The following SLC39A9 variants were observed in gnomAD, a reference collection of about 807,000 sequenced individuals.
SLC39A9 encodes the protein zinc transporter ZIP9.
SLC39A9 carries 14 observed loss-of-function variants against 28.4 expected under a neutral mutation model. The ratio of observed to expected loss-of-function variants is 0.49; its 90% confidence interval spans 0.33 to 0.77. The LOEUF (loss-of-function observed/expected upper bound fraction) is 0.77, where lower values mean the gene tolerates loss of function less well. Ranked by LOEUF, SLC39A9 falls within the 30% of genes least tolerant of loss-of-function variation. The probability of loss-of-function intolerance (pLI) is 0.02; values close to 1 mark genes in which losing one functional copy is unlikely to be tolerated. For missense variants in SLC39A9, 283 were observed against 381.1 expected, an observed-to-expected ratio of 0.74 and a Z score of 2.14; for synonymous variants, 119 against 149.6, an observed-to-expected ratio of 0.80 and a Z score of 1.49.
chr14:69,452,328 T>C (rs1395961507), intron 3 of SLC39A9, among the ~76,000 whole-genome samples: 2 of 151,324 alleles, frequency 1.3e-5, no homozygotes, highest in Non-Finnish European at 2.9e-5. Context: ...GGTGGTGGGT[T>C]TTTTGTTTGT....
At position 69,437,196 on chromosome 14, in the gene SLC39A9, A is replaced by G. The variant is rs144626105; in HGVS notation, c.206-4873A>G. Among the ~76,000 whole-genome samples the G allele has an allele frequency of 2.1e-3, 324 of 152,236 alleles. 2 individuals carry two copies. The highest frequency in any genetic ancestry group is 7.6e-3 in the African/African-American group (315 of 41,546). On this transcript the variant is annotated intron_variant, in intron 2 of 6. Transcript: ENST00000336643. Reference sequence around the variant, plus strand: ...ATCCCTTTTTCTATTTGCTCTGGCCAGAAAGATGGGGTTTTAACTGCCTTT... The same window carrying G: ...ATCCCTTTTTCTATTTGCTCTGGCCGGAAAGATGGGGTTTTAACTGCCTTT...
chr14:69,441,716 C>G, intron 2 of SLC39A9: 1 of 777,948 alleles, frequency 1.3e-6, no homozygotes, highest in South Asian at 5.6e-5. Context: ...CAGAAAAAAA[C>G]AGTGTATTTT....
Position 69,461,781 on chromosome 14 carries a change from T to C in SLC39A9, c.*3188T>C. 1.3e-6 allele frequency: 2 copies of C among 1,526,598 alleles called. No individual in the cohort carries two copies. Among genetic ancestry groups the C allele is most frequent in the African/African-American group, 1.4e-5 (1 of 72,888 alleles). 94.6% of individuals were successfully genotyped at this position (1,526,598 alleles called of 1,614,324 possible). A position where few individuals can be genotyped will look rare whatever the true frequency, so the allele number is the denominator to read the frequency against. On this transcript the variant is annotated 3_prime_UTR_variant, in exon 7 of 7. Transcript: ENST00000336643. ...AGCTAGGGACTGAACACAGGAACCG[T>C]ATGACAGCAGCACAAACCCCCAAAG...
At chr14:69,423,855 G>A (rs887045755) in intron 1 of SLC39A9, among the ~76,000 whole-genome samples, 3 of 148,162 alleles carry the variant, frequency 2.0e-5, no homozygotes, top group South Asian at 2.1e-4. Flanking sequence ...CCGAGACCAC[G>A]CCACTGCCTC....
chr14:69,447,774 G>A (rs34433939), intron 3 of SLC39A9, among the ~76,000 whole-genome samples: 2 of 151,708 alleles, frequency 1.3e-5, no homozygotes, highest in African/African-American at 2.4e-5. Context: ...TTAGCTGGTC[G>A]TGGTGACCTG....
In SLC39A9 at chr14:69,416,657, C is replaced by T. The variant is rs571802096; in HGVS notation, c.97-7437C>T. ...TGTTGTTTCCTGACTTTTTATTGAT[C>T]GCCATTCTAACTGGTGTGAGATGGT... On this transcript the variant is annotated intron_variant, in intron 1 of 6. Coordinates refer to ENST00000336643, the MANE Select transcript of SLC39A9 (RefSeq NM_018375.5). 3.8e-4 allele frequency among the ~76,000 whole-genome samples: 58 copies of T among 152,240 alleles called. 1 individual carries two copies. The East Asian group carries it at 5.4e-3, about 14-fold the overall frequency.
intron 2 of SLC39A9, among the ~76,000 whole-genome samples, chr14:69,426,391 G>T (rs1455265308): frequency 6.6e-6 from 1 of 151,352 alleles, no homozygotes; most frequent in Non-Finnish European, 1.5e-5. Context: ...TACTAAGAAT[G>T]ATATTTTAAA....
At position 69,459,160 on chromosome 14, in the gene SLC39A9, C is replaced by G; in HGVS notation, c.*567C>G. 3.0e-6 allele frequency: 3 copies of G among 985,918 alleles called. No individual in the cohort carries two copies. The South Asian group carries it at 1.4e-4, about 46-fold the overall frequency. 61.1% of individuals were successfully genotyped at this position (985,918 alleles called of 1,614,324 possible). A position where few individuals can be genotyped will look rare whatever the true frequency, so the allele number is the denominator to read the frequency against. ...GGGTCAGGAAAATGATAGCAAGACACATTGAAAGCTCTCTTTATACTCAAA... is the reference window on the plus strand; with the variant it reads ...GGGTCAGGAAAATGATAGCAAGACAGATTGAAAGCTCTCTTTATACTCAAA... On this transcript the variant is annotated 3_prime_UTR_variant, in exon 7 of 7. Coordinates refer to ENST00000336643, the MANE Select transcript of SLC39A9 (RefSeq NM_018375.5).
At chr14:69,446,281 T>C (rs1313638205) in intron 3 of SLC39A9, among the ~76,000 whole-genome samples, 2 of 147,248 alleles carry the variant, frequency 1.4e-5, no homozygotes, top group East Asian at 3.9e-4. Context: ...TATATATACA[T>C]ATATATATAT....
chr14:69,423,023 A>G (rs1395293113), intron 1 of SLC39A9, among the ~76,000 whole-genome samples: 1 of 152,242 alleles, frequency 6.6e-6, no homozygotes. Flanking sequence ...TTTAGCATTG[A>G]TGTCTAAATA....
intron 2 of SLC39A9, among the ~76,000 whole-genome samples, chr14:69,439,357 GAAAAT>G (rs960317636): frequency 2.6e-5 from 4 of 151,778 alleles, no homozygotes; most frequent in Non-Finnish European, 5.9e-5. Context: ...AATAGCATCA[GAAAAT>G]AAAATAAAAT....
chr14:69,432,196 C>A (rs562546948), intron 2 of SLC39A9, among the ~76,000 whole-genome samples: 4 of 152,144 alleles, frequency 2.6e-5, no homozygotes, highest in Non-Finnish European at 5.9e-5. Flanking sequence ...TATAAGTGTT[C>A]CCTTTTCTCC....
chr14:69,431,145 T>G (rs1406544189), intron 2 of SLC39A9, among the ~76,000 whole-genome samples: 1 of 152,228 alleles, frequency 6.6e-6, no homozygotes, highest in Non-Finnish European at 1.5e-5. Flanking sequence ...TTCTTTGATT[T>G]ATTTCATCAG....
intron 1 of SLC39A9, 80 bp downstream of exon 1, chr14:69,399,545 C>A (rs1882502954): frequency 9.4e-7 from 1 of 1,067,408 alleles, no homozygotes; most frequent in African/African-American, 1.6e-5. Flanking sequence ...AGCTGCTTCC[C>A]TAGTTAAATC....
Position 69,455,810 on chromosome 14 carries a change from G to A in SLC39A9, c.637G>A (p.Val213Ile), listed in dbSNP as rs745620954. ...GAATCGAATCAGAAAGCACTTGCTGGTCTTTGCATTGGCAGCACCAGTTAT... is the reference window on the plus strand; with the variant it reads ...GAATCGAATCAGAAAGCACTTGCTGATCTTTGCATTGGCAGCACCAGTTAT... ...ERNRIRKHLL[V>I]FALAAPVMSM... is the part of the protein sequence containing the mutation. The change falls in exon 6 of 7, where the codon GTC becomes ATC. Residue 213 changes from valine to isoleucine, a missense_variant. Physicochemically the swap from Val to Ile is conservative, Grantham distance 29. Coordinates refer to ENST00000336643, the MANE Select transcript of SLC39A9 (RefSeq NM_018375.5). 3 of 1,614,062 alleles carry A rather than the reference G, an allele frequency of 1.9e-6. No homozygotes were observed. Among genetic ancestry groups the A allele is most frequent in the South Asian group, 2.2e-5 (2 of 91,084 alleles).
At chr14:69,406,854 T>TG (rs1359628253) in intron 1 of SLC39A9, among the ~76,000 whole-genome samples, 1 of 136,422 alleles carries the variant, frequency 7.3e-6, no homozygotes, top group East Asian at 2.0e-4. Flanking sequence ...CTTTGTTTTT[T>TG]TTTTTTTTTT....
intron 2 of SLC39A9, among the ~76,000 whole-genome samples, chr14:69,439,639 G>A (rs1884947144): frequency 6.6e-6 from 1 of 152,154 alleles, no homozygotes; most frequent in South Asian, 2.1e-4. Context: ...AGTGTTGGAG[G>A]CGGGGCCTGG....
rs959213922 is a variant in SLC39A9, at chr14:69,460,866, CAG to C, written c.*2275_*2276del. 20 of 985,290 alleles carry C rather than the reference CAG, an allele frequency of 2.0e-5. No individual in the cohort carries two copies. The African/African-American group carries it at 3.3e-4, about 16-fold the overall frequency. 61.0% of individuals were successfully genotyped at this position (985,290 alleles called of 1,614,324 possible). ...ACTCATTTCTCTCCTGGTCAGCAGACAGAAATAGCCATACTAATCTCATAGGG... is the reference window on the plus strand; with the variant it reads ...ACTCATTTCTCTCCTGGTCAGCAGACAAATAGCCATACTAATCTCATAGGG... On this transcript the variant is annotated 3_prime_UTR_variant, in exon 7 of 7. Transcript: ENST00000336643.
At chr14:69,451,902 G>GAT (rs1477122901) in intron 3 of SLC39A9, among the ~76,000 whole-genome samples, 1 of 152,072 alleles carries the variant, frequency 6.6e-6, no homozygotes, top group Admixed American at 6.6e-5. Flanking sequence ...ATTTTGTAGA[G>GAT]ATAGGGTCTT....
Sources: gnomAD v4.1 joint callset for allele counts (sites outside exome capture counted in the v4.1 genomes callset) on GRCh38, gnomAD v4.1.1 for gene constraint, MANE v1.5 for transcripts, NCBI Gene and HGNC (gene_info 2026-07-23, HGNC 2026-07-21) for gene names.